CDC14A: variants seen among roughly 807,000 people sequenced by gnomAD.
The protein encoded by CDC14A is dual specificity protein phosphatase CDC14A.
CDC14A carries 53 observed loss-of-function variants against 74.4 expected under a neutral mutation model. The ratio of observed to expected loss-of-function variants is 0.71; its 90% CI spans 0.57 to 0.89. The LOEUF (loss-of-function observed/expected upper bound fraction) is 0.89. CDC14A is among the 40% of genes least tolerant of loss of function. The probability of loss-of-function intolerance (pLI) is 0.00; values close to 1 mark genes in which losing one functional copy is unlikely to be tolerated. For synonymous variants in CDC14A, 247 were observed against 258.4 expected, an observed-to-expected ratio of 0.96 and a Z score of 0.43; for missense variants, 646 against 713.7, an observed-to-expected ratio of 0.91 and a Z score of 1.08.
Position 100,377,754 on chromosome 1 carries a change from C to T in CDC14A, c.216+133C>T, listed in dbSNP as rs1027274908. On this transcript the variant is annotated intron_variant, in intron 3 of 15. Coordinates refer to ENST00000336454, the MANE Select transcript of CDC14A (RefSeq NM_003672.4). ...CTGGAAATTTATGTGAGTAGTTCAC[C>T]TAGAGTTTGAAAGTGATCCTCCTGA... The T allele has an allele frequency of 6.5e-6, 4 of 619,218 alleles. No individual in the cohort carries two copies. In the Admixed American group the frequency reaches 1.2e-4, roughly 19 times the overall value. 38.4% of individuals were successfully genotyped at this position (619,218 alleles called of 1,614,324 possible). A position where few individuals can be genotyped will look rare whatever the true frequency, so the allele number is the denominator to read the frequency against.
intron 9 of CDC14A, 25 bp downstream of exon 9, chr1:100,462,906 T>C: frequency 1.3e-6 from 2 of 1,569,988 alleles, no homozygotes; most frequent in Non-Finnish European, 1.8e-6. Context: ...TCGGTGGTGG[T>C]GGCTGTGCTT....
intron 13 of CDC14A, 45 bp from the exon 14 acceptor site, chr1:100,498,035 TTAAGA>T (rs753822991): frequency 1.3e-6 from 2 of 1,575,762 alleles, no homozygotes; most frequent in Admixed American, 1.9e-5. Flanking sequence ...TGCTGAATGT[TTAAGA>T]TAAGACTACT....
chr1:100,371,871 A>C (rs1173785741), intron 2 of CDC14A, among the ~76,000 whole-genome samples: 1 of 152,172 alleles, frequency 6.6e-6, no homozygotes, highest in Admixed American at 6.5e-5. Flanking sequence ...GCTTCCATTA[A>C]CCCAAGGATA....
At chr1:100,488,043 T>A (rs1670220837) in intron 11 of CDC14A, among the ~76,000 whole-genome samples, 1 of 152,194 alleles carries the variant, frequency 6.6e-6, no homozygotes, top group African/African-American at 2.4e-5. Context: ...TTGGTAATAA[T>A]CTAAGCTACA....
chr1:100,498,880 T>G (rs767131059), intron 14 of CDC14A, 49 bp from the exon 15 acceptor site: 3 of 1,561,976 alleles, frequency 1.9e-6, no homozygotes, highest in Non-Finnish European at 2.6e-6. Context: ...TCTGTGTGAT[T>G]GTACATTGTT....
intron 10 of CDC14A, chr1:100,480,872 T>C (rs752037252): frequency 2.6e-5 from 4 of 152,192 alleles, no homozygotes; most frequent in Non-Finnish European, 5.9e-5. Flanking sequence ...TTTTGGAGAA[T>C]TCCCTTCCTC....
chr1:100,515,888 G>A lies in CDC14A; in HGVS notation c.1756-2363G>A, dbSNP rs28364912. Among the ~76,000 whole-genome samples, 476 of 152,292 alleles carry A rather than the reference G, an allele frequency of 3.1e-3. 4 individuals are homozygous for A. Among genetic ancestry groups the A allele is most frequent in the African/African-American group, 0.011 (459 of 41,546 alleles). The stretch of plus-strand genomic sequence containing the variant: ...TATTTTTATCCTCTAGTGCTTAATA[G>A]ATACAACTTATGTTCAGTAATTATT... On this transcript the variant is annotated intron_variant, in intron 15 of 15. Transcript: ENST00000336454.
At chr1:100,423,129 T>C (rs896407292) in intron 4 of CDC14A, among the ~76,000 whole-genome samples, 2 of 152,196 alleles carry the variant, frequency 1.3e-5, no homozygotes, top group Non-Finnish European at 2.9e-5. Flanking sequence ...AAAATTGAGC[T>C]CTCCCAGTGG....
chr1:100,492,506 T>C (rs1670807189), intron 11 of CDC14A, among the ~76,000 whole-genome samples: 1 of 152,228 alleles, frequency 6.6e-6, no homozygotes, highest in South Asian at 2.1e-4. Context: ...GCAGCTCTTC[T>C]AGCTCACTGT....
intron 15 of CDC14A, among the ~76,000 whole-genome samples, chr1:100,507,005 G>A (rs374367775): frequency 7.9e-5 from 12 of 152,076 alleles, no homozygotes; most frequent in South Asian, 2.1e-4. Context: ...GAGAGAACCC[G>A]TATCTTAAAA....
intron 2 of CDC14A, among the ~76,000 whole-genome samples, chr1:100,357,299 A>G (rs921831037): frequency 3.3e-5 from 5 of 152,178 alleles, no homozygotes; most frequent in Non-Finnish European, 7.3e-5. Flanking sequence ...AAGTAGAACC[A>G]GGATGGGAGG....
At chr1:100,499,326 T>A in intron 15 of CDC14A, 64 bp downstream of exon 15, 1 of 1,614,046 alleles carries the variant, frequency 6.2e-7, no homozygotes, top group Non-Finnish European at 8.5e-7. Flanking sequence ...TGCCTTGCCT[T>A]CCCAGCCGAG....
At chr1:100,364,495 G>C (rs939168961) in intron 2 of CDC14A, among the ~76,000 whole-genome samples, 7 of 151,718 alleles carry the variant, frequency 4.6e-5, no homozygotes, top group Admixed American at 1.3e-4. Context: ...TACAGGCGGA[G>C]CCGTTGCCCC....
intron 3 of CDC14A, among the ~76,000 whole-genome samples, chr1:100,382,743 A>G (rs1656317630): frequency 6.6e-6 from 1 of 152,246 alleles, no homozygotes; most frequent in Admixed American, 6.5e-5. Context: ...TATTCACAGA[A>G]ATGTAATTTT....
chr1:100,370,307 A>T (rs1202430808), intron 2 of CDC14A, among the ~76,000 whole-genome samples: 5 of 148,986 alleles, frequency 3.4e-5, no homozygotes, highest in African/African-American at 9.9e-5. Context: ...TTTTTTGTAG[A>T]GATGGAGTCT....
intron 3 of CDC14A, among the ~76,000 whole-genome samples, chr1:100,387,662 T>G (rs1657063567): frequency 6.6e-6 from 1 of 152,220 alleles, no homozygotes; most frequent in Non-Finnish European, 1.5e-5. Flanking sequence ...TTAAGCATTC[T>G]TCTAAAATCT....
chr1:100,398,991 T>A (rs2101008200), intron 4 of CDC14A, among the ~76,000 whole-genome samples: 1 of 152,322 alleles, frequency 6.6e-6, no homozygotes. Context: ...CTAGTTATTT[T>A]AAATTTTTAA....
intron 13 of CDC14A, 100 bp from the exon 14 acceptor site, chr1:100,497,985 A>G: frequency 2.3e-6 from 3 of 1,291,600 alleles, no homozygotes; most frequent in Non-Finnish European, 3.2e-6. Flanking sequence ...ACCTGTCATG[A>G]TATCTTTAAG....
intron 15 of CDC14A, among the ~76,000 whole-genome samples, chr1:100,504,144 AATG>A (rs1328431394): frequency 1.3e-5 from 2 of 152,214 alleles, no homozygotes; most frequent in Admixed American, 1.3e-4. Flanking sequence ...GATTGGATAA[AATG>A]ATGGATGGTT....
Sources: gnomAD v4.1 joint callset for allele counts (sites outside exome capture counted in the v4.1 genomes callset) on GRCh38, gnomAD v4.1.1 for gene constraint, MANE v1.5 for transcripts, NCBI Gene and HGNC (gene_info 2026-07-23, HGNC 2026-07-21) for gene names.